Variants in TLN2 observed in about 807,000 individuals in gnomAD.
The protein encoded by TLN2 is talin-2.
A neutral mutation model predicts 294.7 loss-of-function variants in TLN2; 118 were observed. That is an observed-to-expected ratio of 0.40 (90% CI 0.34 to 0.47). The LOEUF (loss-of-function observed/expected upper bound fraction) is 0.47. Among genes scored for constraint, TLN2 ranks in the 20% least tolerant of loss-of-function variants. The pLI is 0.84. For synonymous variants in TLN2, 1,431 were observed against 1,304.5 expected (o/e 1.10, Z -2.09); for missense variants, 3,083 against 3,282.2 (o/e 0.94, Z 1.48).
chr15:62,663,505 A>AG (rs1227145545), intron 9 of TLN2, among the ~76,000 whole-genome samples: 2 of 151,914 alleles, frequency 1.3e-5, no homozygotes, highest in East Asian at 3.8e-4. Flanking sequence ...TGCAGGTGAT[A>AG]GGATTATCTA....
chr15:62,813,297 C>G (rs1358926696), intron 52 of TLN2, among the ~76,000 whole-genome samples: 1 of 152,166 alleles, frequency 6.6e-6, no homozygotes, highest in African/African-American at 2.4e-5. Flanking sequence ...AGCTGAGTTT[C>G]TTGTCCTCAT....
chr15:62,814,116 GT>G (rs1157173177), intron 52 of TLN2, among the ~76,000 whole-genome samples: 1 of 152,132 alleles, frequency 6.6e-6, no homozygotes, highest in Non-Finnish European at 1.5e-5. Flanking sequence ...CCAATATGGG[GT>G]TTTATTAAGA....
chr15:62,428,124 ATTGAT>A (rs1464994682), intron 1 of TLN2, among the ~76,000 whole-genome samples: 2 of 152,110 alleles, frequency 1.3e-5, no homozygotes, highest in Non-Finnish European at 2.9e-5. Flanking sequence ...AAGAAAGGAG[ATTGAT>A]TTATTTATTG....
At chr15:62,504,818 GGTGTGTGT>G (rs377405417) in intron 1 of TLN2, among the ~76,000 whole-genome samples, 1,877 of 143,590 alleles carry the variant, frequency 0.013, 42 homozygotes, top group African/African-American at 0.046. Flanking sequence ...TAGTTGGTGG[GGTGTGTGT>G]GTGTGTGTGT....
chr15:62,647,443 C>T lies in TLN2; in HGVS notation c.133C>T (p.Gln45Ter), dbSNP rs780862989. The T allele has an allele frequency of 1.9e-5, 30 of 1,613,838 alleles. No individual in the cohort carries two copies. Among genetic ancestry groups the T allele is most frequent in the Non-Finnish European group, 2.5e-5 (30 of 1,179,974 alleles). ...RERVPEAQTG[Q>*]ASDYGLFLSD... ...ACGGGTGCCTGAGGCACAAACTGGG[C>T]AAGGTAGGTCATGGGTTATTTACTG... Residue 45 changes from glutamine (Q) to a stop codon, truncating the protein, a stop_gained, in exon 4 of 59, where the codon CAA (glutamine) becomes TAA (stop). Transcript: ENST00000636159. LOFTEE classifies it high-confidence loss of function.
At chr15:62,473,892 G>A (rs2037632769) in intron 1 of TLN2, among the ~76,000 whole-genome samples, 1 of 152,172 alleles carries the variant, frequency 6.6e-6, no homozygotes, top group Non-Finnish European at 1.5e-5. Flanking sequence ...TCAGGAGTTC[G>A]AGACCAGCCT....
At chr15:62,699,891 G>T (rs1408971981) in intron 16 of TLN2, among the ~76,000 whole-genome samples, 1 of 152,202 alleles carries the variant, frequency 6.6e-6, no homozygotes, top group Non-Finnish European at 1.5e-5. Flanking sequence ...CTCCCCAGGT[G>T]ATTCTAATGG....
In TLN2 at chr15:62,702,151, C is replaced by G. The variant is rs1227264118; in HGVS notation, c.1856C>G (p.Ala619Gly). Residue 619 changes from alanine (A) to glycine (G), a missense_variant, in exon 18 of 59, where the codon GCT becomes GGT. Ala to Gly is a moderately conservative substitution (Grantham distance 60). Transcript: ENST00000636159. Reference protein sequence around the residue: ...EDLLRAARTLAGAVSDLLKAV... With the variant: ...EDLLRAARTLGGAVSDLLKAV... ...TTGCTCAGAGCTGCCAGGACCCTCG[C>G]TGGGGCGGTGTCAGACTTGCTGAAA... is the stretch of plus-strand genomic sequence containing the variant. 8 of 1,612,696 alleles carry G rather than the reference C, an allele frequency of 5.0e-6. No individual in the cohort carries two copies. Among genetic ancestry groups the G allele is most frequent in the Non-Finnish European group, 6.8e-6 (8 of 1,179,452 alleles).
intron 42 of TLN2, among the ~76,000 whole-genome samples, chr15:62,773,835 G>C (rs1488141687): frequency 6.6e-6 from 1 of 152,176 alleles, no homozygotes; most frequent in African/African-American, 2.4e-5. Flanking sequence ...GGTACTGGTA[G>C]AGACTAAATG....
intron 1 of TLN2, among the ~76,000 whole-genome samples, chr15:62,520,979 G>A (rs2040429032): frequency 6.6e-6 from 1 of 152,158 alleles, no homozygotes; most frequent in African/African-American, 2.4e-5. Context: ...CCACATCATT[G>A]CCTGCTGTTG....
intron 5 of TLN2, among the ~76,000 whole-genome samples, chr15:62,651,182 C>T (rs2052544645): frequency 6.6e-6 from 1 of 152,130 alleles, no homozygotes; most frequent in African/African-American, 2.4e-5. Flanking sequence ...AGTCACCTCC[C>T]TCTGCTAATT....
At chr15:62,788,667 G>C (rs570242702) in intron 45 of TLN2, among the ~76,000 whole-genome samples, 1 of 152,250 alleles carries the variant, frequency 6.6e-6, no homozygotes, top group Non-Finnish European at 1.5e-5. Flanking sequence ...TAACTTTTTG[G>C]AATAAGCGAA....
At chr15:62,823,820 C>A in intron 54 of TLN2, 5 of 400,564 alleles carry the variant, frequency 1.2e-5, no homozygotes, top group Admixed American at 1.1e-4. Flanking sequence ...TTGTTAATGG[C>A]GCCGTTTCCA....
At position 62,766,324 on chromosome 15, in the gene TLN2, C is replaced by T; in HGVS notation, c.5098C>T (p.Leu1700=). The change falls in exon 41 of 59, where the codon CTG becomes TTG. Residue 1700 remains leucine (L), a synonymous_variant. Transcript: ENST00000636159. ...TTGACACTTCTCTCCTTATCAGGCC[C>T]TGCAGGAGCAGCTGACTTCGGTGGT... The part of the protein sequence containing the change: ...ATRDDISVEA[L]QEQLTSVVQE... The T allele has an allele frequency of 6.2e-7, 1 of 1,612,130 alleles. No individual in the cohort carries two copies. The highest frequency in any genetic ancestry group is 2.2e-5 in the East Asian group (1 of 44,806).
At position 62,841,909 on chromosome 15, in the gene TLN2, G is replaced by C. The variant is rs937503395; in HGVS notation, c.*1299G>C. Reference sequence around the variant, plus strand: ...AGAATTCATAGTGGGGAAGGTAAAAGTTAATGGAAGTACATGATTTTCAAA... The same window carrying C: ...AGAATTCATAGTGGGGAAGGTAAAACTTAATGGAAGTACATGATTTTCAAA... On this transcript the variant is annotated 3_prime_UTR_variant, in exon 59 of 59. Coordinates refer to ENST00000636159, the MANE Select transcript of TLN2 (RefSeq NM_015059.3). The C allele has an allele frequency of 6.6e-6, 1 of 152,104 alleles. No homozygotes were observed. The highest frequency in any genetic ancestry group is 2.4e-5 in the African/African-American group (1 of 41,398). 9.4% of individuals were successfully genotyped at this position (152,104 alleles called of 1,614,324 possible).
Position 62,670,063 on chromosome 15 carries a change from G to A in TLN2, c.789-3764G>A, listed in dbSNP as rs144146139. Among the ~76,000 whole-genome samples, 194 of 152,308 alleles carry A rather than the reference G, an allele frequency of 1.3e-3. 1 individual carries two copies. The highest frequency in any genetic ancestry group is 4.4e-3 in the African/African-American group (183 of 41,558). On this transcript the variant is annotated intron_variant, in intron 9 of 58. Transcript: ENST00000636159. ...GCTGCAGTACAGGACTTTCTTGCCA[G>A]TGGTGGTCAGCATATTCTACCCCTG... is the stretch of plus-strand genomic sequence containing the variant.
chr15:62,788,794 C>G (rs138718557), intron 45 of TLN2, among the ~76,000 whole-genome samples: 1 of 152,368 alleles, frequency 6.6e-6, no homozygotes, highest in Non-Finnish European at 1.5e-5. Context: ...GCCTCCTTTT[C>G]CAGCAGTACA....
Position 62,701,030 on chromosome 15 carries a change from T to G in TLN2, c.1588-76T>G. The stretch of plus-strand genomic sequence containing the variant: ...GAATGTAGCCAAAATGCTGGTGTGA[T>G]TTTATGGCGGGGCTTCTCCGGTCTC... On this transcript the variant is annotated intron_variant, in intron 16 of 58. Transcript: ENST00000636159. The G allele has an allele frequency of 4.5e-6, 6 of 1,327,438 alleles. No homozygotes were observed. In the South Asian group the frequency reaches 7.5e-5, roughly 17 times the overall value. 82.2% of individuals were successfully genotyped at this position (1,327,438 alleles called of 1,614,324 possible).
At chr15:62,455,975 G>A (rs1413625669) in intron 1 of TLN2, among the ~76,000 whole-genome samples, 4 of 152,052 alleles carry the variant, frequency 2.6e-5, no homozygotes, top group Non-Finnish European at 4.4e-5. Context: ...TGGGGGTTAC[G>A]AGTCTGCAGT....
Sources: gnomAD v4.1 joint callset for allele counts (sites outside exome capture counted in the v4.1 genomes callset) on GRCh38, gnomAD v4.1.1 for gene constraint, MANE v1.5 for transcripts, NCBI Gene and HGNC (gene_info 2026-07-23, HGNC 2026-07-21) for gene names.